The following PKNOX2 variants were observed in gnomAD, a reference collection of about 807,000 sequenced individuals.
The protein encoded by PKNOX2 is homeobox protein PKNOX2.
Under a neutral mutation model 53.1 loss-of-function variants are expected in PKNOX2, and 14 were observed. The observed-to-expected ratio is 0.26, with a 90% CI of 0.17 to 0.41. The LOEUF is 0.41. Ranked by LOEUF, PKNOX2 falls within the 10% of genes least tolerant of loss-of-function variation. The pLI is 1.00. For synonymous variants in PKNOX2, 257 were observed against 242.8 expected, an observed-to-expected ratio of 1.06 and a Z score of -0.54; for missense variants, 496 against 602.8, an observed-to-expected ratio of 0.82 and a Z score of 1.85.
At chr11:125,223,795 C>T (rs6590137) in intron 1 of PKNOX2, among the ~76,000 whole-genome samples, 2,441 of 152,302 alleles carry the variant, frequency 0.016, 63 homozygotes, top group African/African-American at 0.055. Context: ...AGCTAAATCA[C>T]ATGCTGGTGA....
rs1423316197 is a variant in PKNOX2 at position 125,166,693 on chromosome 11, C to G, written c.-201+1917C>G. ...GCTGTGGCCCAGGGTAGGACCGGCT[C>G]AAACTCCAGTGCCCTGATTGGAGCC... On this transcript the variant is annotated intron_variant, in intron 1 of 12. Coordinates refer to ENST00000298282, the MANE Select transcript of PKNOX2 (RefSeq NM_001382323.2). The surrounding 1 kb of genome is among the most constrained non-coding windows in gnomAD (Gnocchi z 4.0). Among the ~76,000 whole-genome samples, 1 of 152,154 alleles carries G rather than the reference C, an allele frequency of 6.6e-6. No individual in the cohort carries two copies. The highest frequency in any genetic ancestry group is 2.4e-5 in the African/African-American group (1 of 41,444).
chr11:125,420,137 T>G (rs1285928928), intron 10 of PKNOX2, among the ~76,000 whole-genome samples: 1 of 150,706 alleles, frequency 6.6e-6, no homozygotes, highest in Non-Finnish European at 1.5e-5. Context: ...CAGTGAGCCC[T>G]GATTGTGCCA....
intron 4 of PKNOX2, among the ~76,000 whole-genome samples, chr11:125,362,708 C>T (rs1031398944): frequency 5.9e-5 from 9 of 152,142 alleles, no homozygotes; most frequent in Admixed American, 2.0e-4. Flanking sequence ...CAAAACATGT[C>T]ACTCTTCCCC....
chr11:125,332,179 T>C (rs1009665380), intron 3 of PKNOX2, among the ~76,000 whole-genome samples: 2 of 152,078 alleles, frequency 1.3e-5, no homozygotes, highest in Non-Finnish European at 2.9e-5. Context: ...GAACAATAAA[T>C]GGTGGTTGAT....
intron 2 of PKNOX2, among the ~76,000 whole-genome samples, chr11:125,298,938 C>G (rs921499002): frequency 2.0e-5 from 3 of 152,166 alleles, no homozygotes; most frequent in Non-Finnish European, 1.5e-5. Flanking sequence ...TTAGGCTATT[C>G]TTGCATTGCC....
chr11:125,383,950 A>G (rs1953436812), intron 5 of PKNOX2, among the ~76,000 whole-genome samples: 1 of 152,160 alleles, frequency 6.6e-6, no homozygotes, highest in African/African-American at 2.4e-5. Flanking sequence ...AAAAAAAACA[A>G]AACAAAACAA....
chr11:125,176,051 G>C (rs1184822431), intron 1 of PKNOX2, among the ~76,000 whole-genome samples: 1 of 152,192 alleles, frequency 6.6e-6, no homozygotes, highest in Non-Finnish European at 1.5e-5. Flanking sequence ...CTGGCAGGGT[G>C]GCTTTCCATG....
At chr11:125,349,016 C>T (rs1640680731) in intron 3 of PKNOX2, among the ~76,000 whole-genome samples, 1 of 152,162 alleles carries the variant, frequency 6.6e-6, no homozygotes, top group South Asian at 2.1e-4. Context: ...GATCGATGCT[C>T]CCGGGAAGAG....
chr11:125,362,872 C>T (rs552983854), intron 4 of PKNOX2, among the ~76,000 whole-genome samples: 1 of 152,264 alleles, frequency 6.6e-6, no homozygotes, highest in South Asian at 2.1e-4. Context: ...AGACTGCCAG[C>T]GTGGCTGGAT....
intron 1 of PKNOX2, among the ~76,000 whole-genome samples, chr11:125,191,873 T>C (rs1956898663): frequency 6.6e-6 from 1 of 152,200 alleles, no homozygotes; most frequent in Non-Finnish European, 1.5e-5. Context: ...CAAAAATACA[T>C]ATAACTAAAA....
intron 1 of PKNOX2, among the ~76,000 whole-genome samples, chr11:125,201,687 GA>G (rs1014305576): frequency 8.5e-5 from 13 of 152,192 alleles, no homozygotes; most frequent in African/African-American, 3.1e-4. Flanking sequence ...ACACCATCAG[GA>G]AAGCCCCAGA....
chr11:125,431,468 G>GT lies in PKNOX2; in HGVS notation c.*76_*77insT. ...GGAGGCCTTCAGGGTGGGGGGGAAG[G>GT]GGACATGGGCAGGAAGCACCGAGGG... is the stretch of plus-strand genomic sequence containing the variant. On this transcript the variant is annotated 3_prime_UTR_variant, in exon 13 of 13. Coordinates refer to ENST00000298282, the MANE Select transcript of PKNOX2 (RefSeq NM_001382323.2). The GT allele has an allele frequency of 3.2e-6, 1 of 310,576 alleles. No individual in the cohort carries two copies. 19.2% of individuals were successfully genotyped at this position (310,576 alleles called of 1,614,324 possible).
At chr11:125,418,655 G>C (rs1304315084) in intron 10 of PKNOX2, among the ~76,000 whole-genome samples, 2 of 151,958 alleles carry the variant, frequency 1.3e-5, no homozygotes, top group African/African-American at 4.9e-5. Context: ...TTCTTTGCAT[G>C]CCTCGCTACC....
At chr11:125,198,631 G>C (rs183484727) in intron 1 of PKNOX2, among the ~76,000 whole-genome samples, 10 of 152,144 alleles carry the variant, frequency 6.6e-5, no homozygotes, top group Non-Finnish European at 1.0e-4. Flanking sequence ...TCGAGTTTCC[G>C]ACCTGTGATA....
At chr11:125,179,923 C>T (rs1956058026) in intron 1 of PKNOX2, among the ~76,000 whole-genome samples, 1 of 152,164 alleles carries the variant, frequency 6.6e-6, no homozygotes, top group African/African-American at 2.4e-5. Context: ...GACGTTAAAG[C>T]TTAGATGATC....
Position 125,213,462 on chromosome 11 carries a change from G to T in PKNOX2, c.-200-21583G>T, listed in dbSNP as rs143376582. ...TCTCCTCAGGACAAAAGATTTTGTT[G>T]TTGTTGTTATTTGAGACAGGATCTC... On this transcript the variant is annotated intron_variant, in intron 1 of 12. Coordinates refer to ENST00000298282, the MANE Select transcript of PKNOX2 (RefSeq NM_001382323.2). Among the ~76,000 whole-genome samples, 597 of 152,218 alleles carry T rather than the reference G, an allele frequency of 3.9e-3. 8 individuals carry two copies. Among genetic ancestry groups the T allele is most frequent in the Middle Eastern group, 0.014 (4 of 294 alleles).
intron 2 of PKNOX2, among the ~76,000 whole-genome samples, chr11:125,238,597 A>C (rs1312777477): frequency 2.6e-5 from 4 of 152,228 alleles, no homozygotes; most frequent in Non-Finnish European, 5.9e-5. Context: ...GTCTGATGGC[A>C]TCATCCCCAA....
intron 3 of PKNOX2, among the ~76,000 whole-genome samples, chr11:125,341,758 C>T (rs1052968515): frequency 9.2e-5 from 14 of 152,260 alleles, no homozygotes; most frequent in African/African-American, 3.4e-4. Context: ...AGAAACACAG[C>T]AAAAGGCACG....
chr11:125,259,825 T>C (rs1220384399), intron 2 of PKNOX2, among the ~76,000 whole-genome samples: 1 of 151,998 alleles, frequency 6.6e-6, no homozygotes, highest in East Asian at 1.9e-4. Context: ...CGGTTGACTG[T>C]CCTAACCCCA....
Sources: gnomAD v4.1 joint callset for allele counts (sites outside exome capture counted in the v4.1 genomes callset) on GRCh38, gnomAD v4.1.1 for gene constraint, Gnocchi (gnomAD v3.1) non-coding constraint, MANE v1.5 for transcripts, NCBI Gene and HGNC (gene_info 2026-07-23, HGNC 2026-07-21) for gene names.